FEZ2: variants seen among roughly 807,000 people sequenced by gnomAD.
FEZ2 encodes fasciculation and elongation protein zeta-2.
FEZ2 carries 51 observed loss-of-function variants against 40.4 expected under a neutral mutation model. The ratio of observed to expected loss-of-function variants is 1.26; its 90% CI spans 1.01 to 1.59. The LOEUF (loss-of-function observed/expected upper bound fraction) is 1.59. FEZ2 is among the 40% of genes most tolerant of loss of function. FEZ2 has a pLI of 0.00. For missense variants in FEZ2, 640 were observed against 438.3 expected (o/e 1.46, Z -4.11); for synonymous variants, 242 against 172.0 (o/e 1.41, Z -3.18).
In FEZ2 at chr2:36,558,478, G is replaced by GT. The variant is rs759258050; in HGVS notation, c.938dup (p.Asn313LysfsTer7). 97 of 1,516,986 alleles carry GT rather than the reference G, an allele frequency of 6.4e-5. No homozygotes were observed. The highest frequency in any genetic ancestry group is 1.7e-4 in the Middle Eastern group (1 of 5,886). 94.0% of individuals were successfully genotyped at this position (1,516,986 alleles called of 1,614,324 possible). On this transcript the variant is annotated frameshift_variant, in exon 6 of 8. Transcript: ENST00000405912. LOFTEE classifies it high-confidence loss of function. ...GAAGATCTTCAACAGACGGTGGTCC[G>GT]TTTTTTTTCTCATAAGGAATGACTG...
At chr2:36,571,791 A>C (rs988287119) in intron 5 of FEZ2, among the ~76,000 whole-genome samples, 5 of 151,762 alleles carry the variant, frequency 3.3e-5, no homozygotes, top group African/African-American at 4.8e-5. Flanking sequence ...GGATCACCTG[A>C]GATCAGGAGT....
At chr2:36,570,434 T>C (rs76996404) in intron 5 of FEZ2, among the ~76,000 whole-genome samples, 2,055 of 152,310 alleles carry the variant, frequency 0.013, 51 homozygotes, top group African/African-American at 0.047. Flanking sequence ...AATATTAATG[T>C]GGAAACTAAA....
At chr2:36,576,337 T>C (rs1197399668) in intron 5 of FEZ2, among the ~76,000 whole-genome samples, 1 of 152,110 alleles carries the variant, frequency 6.6e-6, no homozygotes, top group Non-Finnish European at 1.5e-5. Flanking sequence ...TGGAGCAATC[T>C]TGGCTCGCTG....
chr2:36,558,487 CT>C lies in FEZ2; in HGVS notation c.929del (p.Glu310GlyfsTer15), dbSNP rs1668010828. The C allele has an allele frequency of 2.0e-6, 3 of 1,515,822 alleles. No homozygotes were observed. The highest frequency in any genetic ancestry group is 2.7e-6 in the Non-Finnish European group (3 of 1,127,868). The allele number at this position is 1,515,822 out of a possible 1,614,324, so 93.9% of individuals were successfully genotyped here. A position where few individuals can be genotyped will look rare whatever the true frequency, so the allele number is the denominator to read the frequency against. On this transcript the variant is annotated frameshift_variant, in exon 6 of 8. Transcript: ENST00000405912. LOFTEE classifies it high-confidence loss of function. ...GTYLTTVIPY[E>X]KKNGPPSVED... ...CAACAGACGGTGGTCCGTTTTTTTT[CT>C]CATAAGGAATGACTGTAGTCAAATA... is the stretch of plus-strand genomic sequence containing the variant.
chr2:36,592,464 G>A (rs1243269744), intron 1 of FEZ2, among the ~76,000 whole-genome samples: 1 of 152,052 alleles, frequency 6.6e-6, no homozygotes, highest in African/African-American at 2.4e-5. Context: ...GAAGCAATAG[G>A]ACTGCAACGG....
At chr2:36,553,210 A>G (rs1372208363) in intron 7 of FEZ2, 31 bp from the exon 8 acceptor site, 1 of 1,495,282 alleles carries the variant, frequency 6.7e-7, no homozygotes, top group Non-Finnish European at 9.1e-7. Flanking sequence ...TTAGCTACAA[A>G]TGTATATTTT....
intron 2 of FEZ2, among the ~76,000 whole-genome samples, chr2:36,588,863 G>T (rs1668985171): frequency 6.6e-6 from 1 of 151,826 alleles, no homozygotes; most frequent in Non-Finnish European, 1.5e-5. Context: ...TGTACATTTA[G>T]TCAATGAAAT....
intron 5 of FEZ2, among the ~76,000 whole-genome samples, chr2:36,565,288 G>A (rs1334698828): frequency 2.0e-5 from 3 of 152,088 alleles, no homozygotes; most frequent in South Asian, 4.2e-4. Context: ...TGAAACCACT[G>A]AAGTTCTCTT....
intron 7 of FEZ2, among the ~76,000 whole-genome samples, chr2:36,554,625 A>T (rs1273087703): frequency 1.3e-5 from 2 of 152,186 alleles, no homozygotes; most frequent in Non-Finnish European, 2.9e-5. Context: ...ATTTTTTAAA[A>T]TGATGTCAAC....
intron 5 of FEZ2, among the ~76,000 whole-genome samples, chr2:36,566,661 C>A (rs1178787908): frequency 6.6e-6 from 1 of 152,172 alleles, no homozygotes; most frequent in Non-Finnish European, 1.5e-5. Flanking sequence ...GGAATCATAG[C>A]TCAGGCAAAA....
intron 2 of FEZ2, chr2:36,589,833 G>A (rs1669013933): frequency 6.6e-6 from 1 of 152,130 alleles, no homozygotes; most frequent in Non-Finnish European, 1.5e-5. Context: ...ACAATACTAT[G>A]TAAAATAGTG....
chr2:36,563,775 G>A (rs571430169), intron 5 of FEZ2, among the ~76,000 whole-genome samples: 10 of 152,178 alleles, frequency 6.6e-5, no homozygotes, highest in East Asian at 3.9e-4. Context: ...GGAAGACCAC[G>A]GCCACTTTTC....
At chr2:36,592,644 CAA>C (rs34717975) in intron 1 of FEZ2, among the ~76,000 whole-genome samples, 31 of 74,590 alleles carry the variant, frequency 4.2e-4, no homozygotes, top group Admixed American at 1.6e-4. Context: ...CACATCTCTA[CAA>C]AAAAAAAAAA....
At chr2:36,584,432 T>C (rs1668841701) in intron 2 of FEZ2, among the ~76,000 whole-genome samples, 1 of 152,178 alleles carries the variant, frequency 6.6e-6, no homozygotes, top group African/African-American at 2.4e-5. Context: ...AGCCTTAGAG[T>C]TTAGTACCAG....
At position 36,581,365 on chromosome 2, in the gene FEZ2, G is replaced by A; in HGVS notation, c.559C>T (p.Gln187Ter). 4.3e-6 allele frequency: 7 copies of A among 1,613,068 alleles called. No homozygotes were observed. In the South Asian group the frequency reaches 6.6e-5, roughly 15 times the overall value. Residue 187 changes from glutamine to a stop codon, truncating the protein, a stop_gained, in exon 4 of 8, where the codon CAG becomes TAG. Transcript: ENST00000405912. LOFTEE classifies it high-confidence loss of function. The part of the protein sequence containing the change: ...PDPEDDETPT[Q>*]SDRLSMLSQE... ...GAAAGCATTGAAAGCCGATCTGACT[G>A]TGTAGGGGTTTCATCATCTTCTGGG...
intron 2 of FEZ2, among the ~76,000 whole-genome samples, chr2:36,588,070 C>T (rs1573029069): frequency 6.6e-6 from 1 of 151,962 alleles, no homozygotes; most frequent in Admixed American, 6.6e-5. Flanking sequence ...GCTCTGTCAC[C>T]CAGGCTGGAG....
intron 5 of FEZ2, among the ~76,000 whole-genome samples, chr2:36,567,209 G>A (rs557549084): frequency 6.3e-4 from 95 of 151,926 alleles, no homozygotes; most frequent in African/African-American, 2.1e-3. Context: ...AAGAGCCTTA[G>A]AGCCTATGAT....
At chr2:36,558,303 A>G (rs1369993473) in intron 6 of FEZ2, 135 bp downstream of exon 6, 2 of 474,716 alleles carry the variant, frequency 4.2e-6, no homozygotes, top group African/African-American at 4.0e-5. Context: ...TCATTCTTAT[A>G]AAAATAAACA....
At chr2:36,568,513 A>T (rs544735851) in intron 5 of FEZ2, among the ~76,000 whole-genome samples, 3 of 152,328 alleles carry the variant, frequency 2.0e-5, no homozygotes, top group East Asian at 3.9e-4. Context: ...AAAGTGAAGA[A>T]CTGGTGAAAA....
Sources: allele counts gnomAD v4.1 joint callset (sites outside exome capture counted in the v4.1 genomes callset), GRCh38; gene constraint gnomAD v4.1.1; transcripts MANE v1.5; gene names NCBI Gene and HGNC (gene_info 2026-07-23, HGNC 2026-07-21).